TAF8: variants seen among roughly 807,000 people sequenced by gnomAD.
TAF8 encodes TATA-box binding protein associated factor 8.
Under a neutral mutation model 36.5 loss-of-function variants are expected in TAF8, and 47 were observed. That is an observed-to-expected ratio of 1.29 (90% CI 1.02 to 1.64). The LOEUF (loss-of-function observed/expected upper bound fraction) is 1.64. Ranked by LOEUF, TAF8 falls within the 40% of genes most tolerant of loss-of-function variation. The probability of loss-of-function intolerance (pLI) is 0.00; values close to 1 mark genes in which losing one functional copy is unlikely to be tolerated. For missense variants in TAF8, 420 were observed against 407.6 expected (o/e 1.03, Z -0.26); for synonymous variants, 175 against 159.5 (o/e 1.10, Z -0.73).
At position 42,078,178 on chromosome 6, in the gene TAF8, C is replaced by T. The variant is rs1350254898; in HGVS notation, c.*633C>T. On this transcript the variant is annotated 3_prime_UTR_variant, in exon 9 of 9. Coordinates refer to ENST00000372977, the MANE Select transcript of TAF8 (RefSeq NM_138572.3). ...GTGCTGAGATTACAGGCGTGAGCCA[C>T]CGCACCCCACCAGAGACTTTCTTAA... 2.0e-6 allele frequency: 2 copies of T among 985,516 alleles called. No homozygotes were observed. Among genetic ancestry groups the T allele is most frequent in the Non-Finnish European group, 2.4e-6 (2 of 830,252 alleles). 61.0% of individuals were successfully genotyped at this position (985,516 alleles called of 1,614,324 possible).
At chr6:42,068,182 A>G (rs977265514) in intron 6 of TAF8, among the ~76,000 whole-genome samples, 1 of 152,204 alleles carries the variant, frequency 6.6e-6, no homozygotes, top group Non-Finnish European at 1.5e-5. Flanking sequence ...TTCTGAAGTC[A>G]TGCTGCTTGA....
chr6:42,080,680 G>T lies in TAF8; in HGVS notation c.*3135G>T. Reference sequence around the variant, plus strand: ...GCATGAGCCACCGCGCCTGGCCTCAGAGGCTATACTCTTATAATTTTGTTC... The same window carrying T: ...GCATGAGCCACCGCGCCTGGCCTCATAGGCTATACTCTTATAATTTTGTTC... On this transcript the variant is annotated 3_prime_UTR_variant, in exon 9 of 9. Coordinates refer to ENST00000372977, the MANE Select transcript of TAF8 (RefSeq NM_138572.3). 3 of 985,054 alleles carry T rather than the reference G, an allele frequency of 3.0e-6. No individual in the cohort carries two copies. The highest frequency in any genetic ancestry group is 3.6e-6 in the Non-Finnish European group (3 of 829,772). 61.0% of individuals were successfully genotyped at this position (985,054 alleles called of 1,614,324 possible). A position where few individuals can be genotyped will look rare whatever the true frequency, so the allele number is the denominator to read the frequency against.
intron 5 of TAF8, among the ~76,000 whole-genome samples, chr6:42,059,879 TA>T (rs1259955047): frequency 6.6e-6 from 1 of 152,100 alleles, no homozygotes; most frequent in Non-Finnish European, 1.5e-5. Flanking sequence ...ACCTTAATCT[TA>T]AGGTGTAGGC....
chr6:42,055,750 G>C, intron 3 of TAF8, 121 bp downstream of exon 3: 1 of 852,336 alleles, frequency 1.2e-6, no homozygotes, highest in Non-Finnish European at 1.9e-6. Context: ...CTTTGAGCTT[G>C]AGAGAGTTAT....
intron 7 of TAF8, among the ~76,000 whole-genome samples, chr6:42,070,083 G>A (rs994495077): frequency 2.6e-5 from 4 of 152,138 alleles, no homozygotes; most frequent in African/African-American, 9.7e-5. Flanking sequence ...CGAAGACCTG[G>A]AGTAAATTCA....
At chr6:42,075,003 C>T (rs891672832) in intron 7 of TAF8, among the ~76,000 whole-genome samples, 5 of 152,158 alleles carry the variant, frequency 3.3e-5, no homozygotes, top group African/African-American at 1.2e-4. Context: ...TCTTGACCCT[C>T]CAGCAGTGTC....
rs551322668 is a variant in TAF8, at chr6:42,051,373, A to C, written c.62A>C (p.Gln21Pro). ...GATTCACAGAGATCGGGAAGTAAAC[A>C]GTCCACTAACCCTGCCGATAACTAT... ...GGSGTRSGSK[Q>P]STNPADNYHL... Residue 21 changes from glutamine (Q) to proline (P), a missense_variant, in exon 2 of 9, where the codon CAG (glutamine) becomes CCG (proline). Transcript: ENST00000372977. 1 of 1,613,858 alleles carries C rather than the reference A, an allele frequency of 6.2e-7. No individual in the cohort carries two copies. The highest frequency in any genetic ancestry group is 1.3e-5 in the African/African-American group (1 of 75,068).
chr6:42,051,681 C>A, intron 2 of TAF8, 168 bp downstream of exon 2: 1 of 662,286 alleles, frequency 1.5e-6, no homozygotes, highest in Non-Finnish European at 2.4e-6. Flanking sequence ...GCACAATGGG[C>A]CGAGCGTGGT....
intron 5 of TAF8, among the ~76,000 whole-genome samples, chr6:42,060,106 A>G (rs527597891): frequency 6.6e-6 from 1 of 152,306 alleles, no homozygotes; most frequent in South Asian, 2.1e-4. Flanking sequence ...ACAGCCCACT[A>G]TAAGGTAAAT....
chr6:42,078,425 A>G lies in TAF8; in HGVS notation c.*880A>G. 2.0e-6 allele frequency: 2 copies of G among 985,464 alleles called. No homozygotes were observed. Among genetic ancestry groups the G allele is most frequent in the South Asian group, 9.4e-5 (2 of 21,290 alleles). 61.0% of individuals were successfully genotyped at this position (985,464 alleles called of 1,614,324 possible). On this transcript the variant is annotated 3_prime_UTR_variant, in exon 9 of 9. Coordinates refer to ENST00000372977, the MANE Select transcript of TAF8 (RefSeq NM_138572.3). The stretch of plus-strand genomic sequence containing the variant: ...ATTTGTGGCACCACTTTCTCATCCC[A>G]GAACTTCATTCTTATTTCTCTCCTC...
In TAF8 at chr6:42,051,459, T is replaced by G. The variant is rs1582208388; in HGVS notation, c.148T>G (p.Phe50Val). 2 of 1,613,512 alleles carry G rather than the reference T, an allele frequency of 1.2e-6. No homozygotes were observed. Among genetic ancestry groups the G allele is most frequent in the Non-Finnish European group, 1.7e-6 (2 of 1,179,920 alleles). Residue 50 changes from phenylalanine to valine, a missense_variant, in exon 2 of 9, where the codon TTT becomes GTT. Physicochemically the swap from Phe to Val is conservative, Grantham distance 50. Transcript: ENST00000372977. ...VVSSLLTEAG[F>V]ESAEKASVET... The stretch of plus-strand genomic sequence containing the variant: ...GAGCTCCTTGCTGACAGAGGCAGGG[T>G]TTGAGAGTGCCGAGAAAGCATCCGT...
At chr6:42,072,168 C>G (rs1290583206) in intron 7 of TAF8, among the ~76,000 whole-genome samples, 2 of 152,208 alleles carry the variant, frequency 1.3e-5, no homozygotes, top group African/African-American at 4.8e-5. Flanking sequence ...TATCAGGTGC[C>G]TGGCATGTGG....
At chr6:42,069,483 A>G (rs189168531) in intron 7 of TAF8, among the ~76,000 whole-genome samples, 1 of 152,332 alleles carries the variant, frequency 6.6e-6, no homozygotes, top group Admixed American at 6.5e-5. Flanking sequence ...TAGAGTAGAT[A>G]TGAGAGTTAA....
At chr6:42,076,931 C>A (rs1278635305) in intron 7 of TAF8, among the ~76,000 whole-genome samples, 169 bp from the exon 8 acceptor site, 15 of 152,272 alleles carry the variant, frequency 9.9e-5, no homozygotes, top group African/African-American at 3.1e-4. Flanking sequence ...TCATAGCCAG[C>A]CCCTGCCTGG....
Position 42,080,373 on chromosome 6 carries a change from C to CTTTTTTT in TAF8, c.*2838_*2844dup. On this transcript the variant is annotated 3_prime_UTR_variant, in exon 9 of 9. Transcript: ENST00000372977. ...AGGCTATACTCTTTTTTTTTCTTTT[C>CTTTTTTT]TTTTTTTTTTTTTTTTGAGACGGCA... 1.3e-6 allele frequency: 1 copy of CTTTTTTT among 758,768 alleles called. No homozygotes were observed. The highest frequency in any genetic ancestry group is 1.5e-6 in the Non-Finnish European group (1 of 664,434). The allele number at this position is 758,768 out of a possible 1,614,324, so 47.0% of individuals were successfully genotyped here.
Position 42,066,228 on chromosome 6 carries a change from G to A in TAF8, c.490-84G>A, listed in dbSNP as rs1008677328. ...GTATTGGGTCATTTTAGAGAACAGG[G>A]CATAGCAACAGCAAGCCAGGGAGCT... On this transcript the variant is annotated intron_variant, in intron 5 of 8. Transcript: ENST00000372977. 42 of 1,549,812 alleles carry A rather than the reference G, an allele frequency of 2.7e-5. 1 individual carries two copies. In the South Asian group the frequency reaches 4.6e-4, roughly 17 times the overall value.
intron 5 of TAF8, among the ~76,000 whole-genome samples, chr6:42,062,288 C>T (rs1194961921): frequency 6.6e-6 from 1 of 152,036 alleles, no homozygotes; most frequent in Non-Finnish European, 1.5e-5. Context: ...AATTTTCCAC[C>T]AAACAGTAGG....
intron 5 of TAF8, among the ~76,000 whole-genome samples, chr6:42,058,195 C>T (rs1056705116): frequency 2.0e-5 from 3 of 152,222 alleles, no homozygotes; most frequent in African/African-American, 7.2e-5. Context: ...ACCAGCCTGG[C>T]CAACACAGTG....
rs1428521452 is a variant in TAF8, at chr6:42,079,843, G to A, written c.*2298G>A. Reference sequence around the variant, plus strand: ...TGTTGAGATTACAGGCGTGAGCCACGGTGCCCAGCCCATCTCTTAGTCTTC... The same window carrying A: ...TGTTGAGATTACAGGCGTGAGCCACAGTGCCCAGCCCATCTCTTAGTCTTC... On this transcript the variant is annotated 3_prime_UTR_variant, in exon 9 of 9. Coordinates refer to ENST00000372977, the MANE Select transcript of TAF8 (RefSeq NM_138572.3). 3.0e-6 allele frequency: 3 copies of A among 984,818 alleles called. No individual in the cohort carries two copies. The highest frequency in any genetic ancestry group is 3.6e-6 in the Non-Finnish European group (3 of 829,842). The allele number at this position is 984,818 out of a possible 1,614,324, so 61.0% of individuals were successfully genotyped here.
Sources: allele counts gnomAD v4.1 joint callset (sites outside exome capture counted in the v4.1 genomes callset), GRCh38; gene constraint gnomAD v4.1.1; transcripts MANE v1.5; gene names NCBI Gene and HGNC (gene_info 2026-07-23, HGNC 2026-07-21).